The following CSMD1 variants were observed in gnomAD, a reference collection of about 807,000 sequenced individuals.
CSMD1 encodes the protein CUB and Sushi multiple domains 1.
A neutral mutation model predicts 417.5 loss-of-function variants in CSMD1; 213 were observed. The ratio of observed to expected loss-of-function variants is 0.51; its 90% CI spans 0.46 to 0.57. The LOEUF (loss-of-function observed/expected upper bound fraction) is 0.57, where lower values mean the gene tolerates loss of function less well. Ranked by LOEUF, CSMD1 falls within the 20% of genes least tolerant of loss-of-function variation. The pLI is 0.00. For missense variants in CSMD1, 6,923 were observed against 4,529.7 expected (o/e 1.53, Z -15.17); for synonymous variants, 2,862 against 1,736.8 (o/e 1.65, Z -16.11).
At chr8:4,857,994 A>C (rs2116861165) in intron 1 of CSMD1, among the ~76,000 whole-genome samples, 1 of 152,302 alleles carries the variant, frequency 6.6e-6, no homozygotes, top group Admixed American at 6.5e-5. Flanking sequence ...TCTTTGATGA[A>C]CATTGACGCA....
intron 4 of CSMD1, among the ~76,000 whole-genome samples, chr8:4,018,428 ATC>A (rs1796625955): frequency 1.3e-5 from 2 of 152,058 alleles, no homozygotes; most frequent in African/African-American, 4.8e-5. Context: ...CCAGTTTGCA[ATC>A]TCTGAGTAGC....
chr8:4,695,244 G>T (rs760648568), intron 1 of CSMD1, among the ~76,000 whole-genome samples: 1 of 152,110 alleles, frequency 6.6e-6, no homozygotes, highest in Non-Finnish European at 1.5e-5. Flanking sequence ...AGGTTTCCCT[G>T]AGCACTGCAG....
chr8:4,594,542 G>T (rs968677444), intron 2 of CSMD1, among the ~76,000 whole-genome samples: 11 of 151,966 alleles, frequency 7.2e-5, no homozygotes, highest in African/African-American at 2.7e-4. Context: ...CTGAGTTATT[G>T]GGATTTAGGA....
intron 2 of CSMD1, among the ~76,000 whole-genome samples, chr8:4,511,951 T>C (rs1380624311): frequency 6.6e-6 from 1 of 152,064 alleles, no homozygotes; most frequent in Non-Finnish European, 1.5e-5. Context: ...TAGGCCCACA[T>C]TACCCTAACA....
At chr8:3,543,128 G>A (rs1301129744) in intron 10 of CSMD1, among the ~76,000 whole-genome samples, 2 of 152,178 alleles carry the variant, frequency 1.3e-5, no homozygotes, top group Admixed American at 6.5e-5. Context: ...CCTGAAGGAT[G>A]ATCCCAGACA....
intron 2 of CSMD1, among the ~76,000 whole-genome samples, chr8:4,452,428 C>T (rs1274461456): frequency 6.6e-6 from 1 of 152,186 alleles, no homozygotes; most frequent in Non-Finnish European, 1.5e-5. Flanking sequence ...CACGGTGATT[C>T]TTGACAAATA....
At chr8:3,945,350 C>T (rs979123807) in intron 5 of CSMD1, among the ~76,000 whole-genome samples, 9 of 151,872 alleles carry the variant, frequency 5.9e-5, no homozygotes, top group African/African-American at 2.2e-4. Context: ...TAATGATGTC[C>T]ACAAAGCTTT....
intron 5 of CSMD1, among the ~76,000 whole-genome samples, chr8:3,983,127 C>A (rs555525043): frequency 9.8e-6 from 1 of 102,516 alleles, no homozygotes; most frequent in Admixed American, 8.9e-5. Flanking sequence ...CCTCCCACAT[C>A]TTTCTTTCTT....
intron 1 of CSMD1, among the ~76,000 whole-genome samples, chr8:4,664,908 T>TA (rs1407339839): frequency 2.0e-5 from 3 of 152,186 alleles, no homozygotes; most frequent in African/African-American, 7.2e-5. Flanking sequence ...TCTATTTACA[T>TA]AAAAAACTTG....
chr8:4,583,006 G>T (rs1799502001), intron 2 of CSMD1, among the ~76,000 whole-genome samples: 2 of 152,160 alleles, frequency 1.3e-5, no homozygotes, highest in South Asian at 4.1e-4. Context: ...GAATCCCCCA[G>T]CAGTGCCAGC....
rs752650402 is a variant in CSMD1 at position 3,940,535 on chromosome 8, GTA to G, written c.818+57366_818+57367del. ...TGTGTGTGTGTGTGTGTGTGTGTGT[GTA>G]TGTATGTGTACATAGGTTTCTTTGT... On this transcript the variant is annotated intron_variant, in intron 5 of 69. Coordinates refer to ENST00000635120, the MANE Select transcript of CSMD1 (RefSeq NM_033225.6). Among the ~76,000 whole-genome samples the G allele has an allele frequency of 1.5e-4, 21 of 141,966 alleles. No homozygotes were observed. The East Asian group carries it at 3.3e-3, about 23-fold the overall frequency. 93.1% of individuals were successfully genotyped at this position (141,966 alleles called of 152,430 possible).
chr8:4,387,975 G>A (rs1267373973), intron 3 of CSMD1, among the ~76,000 whole-genome samples: 1 of 152,056 alleles, frequency 6.6e-6, no homozygotes, highest in Non-Finnish European at 1.5e-5. Flanking sequence ...TTTACTCTCA[G>A]AAGACACAAT....
At position 4,149,825 on chromosome 8, in the gene CSMD1, T is replaced by A. The variant is rs573125121; in HGVS notation, c.416-117726A>T. Among the ~76,000 whole-genome samples, 18 of 152,350 alleles carry A rather than the reference T, an allele frequency of 1.2e-4. No individual in the cohort carries two copies. The East Asian group carries it at 3.3e-3, about 28-fold the overall frequency. On this transcript the variant is annotated intron_variant, in intron 3 of 69. Transcript: ENST00000635120. The stretch of plus-strand genomic sequence containing the variant: ...AGAATTTCCTATTAAAATACCACTT[T>A]AATTGGTTCATTCTCTTTATAAATT...
chr8:4,655,570 A>G (rs528201047), intron 1 of CSMD1, among the ~76,000 whole-genome samples: 13 of 152,210 alleles, frequency 8.5e-5, no homozygotes, highest in Admixed American at 8.5e-4. Context: ...TAAACAGTTG[A>G]ATTACTTATT....
At chr8:3,609,433 T>C (rs1413634659) in intron 8 of CSMD1, among the ~76,000 whole-genome samples, 2 of 152,358 alleles carry the variant, frequency 1.3e-5, no homozygotes, top group African/African-American at 2.4e-5. Flanking sequence ...CAAACTGACT[T>C]GAATTCAAAT....
In CSMD1 at chr8:3,308,361, A is replaced by G; in HGVS notation, c.3774T>C (p.Cys1258=). 1.2e-6 allele frequency: 2 copies of G among 1,613,472 alleles called. No individual in the cohort carries two copies. The highest frequency in any genetic ancestry group is 4.5e-5 in the East Asian group (2 of 44,836). The change falls in exon 24 of 70, where the codon TGT becomes TGC. Residue 1258 remains cysteine (C), a synonymous_variant. Coordinates refer to ENST00000635120, the MANE Select transcript of CSMD1 (RefSeq NM_033225.6). ...CCCACACTCTCCTGTCTCCACTCAA[A>G]CAGGTCAGGGTGTTGCTGCCATGCA... ...YAMHGSNTLT[C]LSGDRRVWDK... is the part of the protein sequence containing the mutation.
At chr8:3,000,840 A>T (rs944910479) in intron 52 of CSMD1, among the ~76,000 whole-genome samples, 1 of 152,216 alleles carries the variant, frequency 6.6e-6, no homozygotes, top group African/African-American at 2.4e-5. Flanking sequence ...CGAGATCGCG[A>T]CAGGCGTCTT....
chr8:2,995,554 T>C (rs1000309497), intron 54 of CSMD1, among the ~76,000 whole-genome samples: 1 of 152,130 alleles, frequency 6.6e-6, no homozygotes, highest in African/African-American at 2.4e-5. Flanking sequence ...TGGGCATTTT[T>C]CCCAGAAAAA....
chr8:4,249,539 C>G (rs187200232), intron 3 of CSMD1, among the ~76,000 whole-genome samples: 107 of 152,304 alleles, frequency 7.0e-4, no homozygotes, highest in Middle Eastern at 6.8e-3. Context: ...CACTGTGACT[C>G]TCAGGGAGAC....
Sources: allele counts gnomAD v4.1 joint callset (sites outside exome capture counted in the v4.1 genomes callset), GRCh38; gene constraint gnomAD v4.1.1; transcripts MANE v1.5; gene names NCBI Gene and HGNC (gene_info 2026-07-23, HGNC 2026-07-21).